SLC4A10: variants seen among roughly 807,000 people sequenced by gnomAD.
The protein encoded by SLC4A10 is sodium-driven chloride bicarbonate exchanger.
In SLC4A10, 42 loss-of-function variants were observed where a neutral mutation model predicts 137.7. The observed-to-expected ratio is 0.30, with a 90% CI of 0.24 to 0.39. The LOEUF is 0.39. Ranked by LOEUF, SLC4A10 falls within the 10% of genes least tolerant of loss-of-function variation. The pLI is 1.00. For missense variants in SLC4A10, 925 were observed against 1,355.0 expected (o/e 0.68, Z 4.98); for synonymous variants, 474 against 464.1 (o/e 1.02, Z -0.27).
At chr2:161,808,576 C>T (rs2056234105) in intron 3 of SLC4A10, among the ~76,000 whole-genome samples, 1 of 152,128 alleles carries the variant, frequency 6.6e-6, no homozygotes, top group Admixed American at 6.6e-5. Context: ...CCCTCCTTCC[C>T]TGCTCTGGTG....
At chr2:161,850,238 A>G (rs2059751856) in intron 4 of SLC4A10, among the ~76,000 whole-genome samples, 1 of 152,044 alleles carries the variant, frequency 6.6e-6, no homozygotes, top group Non-Finnish European at 1.5e-5. Context: ...AAAAATACAA[A>G]AAAATTAGCT....
chr2:161,914,124 C>A (rs750934950), intron 15 of SLC4A10, among the ~76,000 whole-genome samples: 5 of 152,040 alleles, frequency 3.3e-5, no homozygotes, highest in South Asian at 2.1e-4. Flanking sequence ...TATGTATAGA[C>A]CTAGCCAAAT....
At chr2:161,701,449 T>A (rs1187200785) in intron 1 of SLC4A10, among the ~76,000 whole-genome samples, 1 of 151,998 alleles carries the variant, frequency 6.6e-6, no homozygotes, top group Non-Finnish European at 1.5e-5. Context: ...TAATTGTAAT[T>A]GATATATAAT....
chr2:161,699,783 A>G (rs1380399421), intron 1 of SLC4A10, among the ~76,000 whole-genome samples: 1 of 152,178 alleles, frequency 6.6e-6, no homozygotes, highest in African/African-American at 2.4e-5. Flanking sequence ...GATAGATAAG[A>G]TTTAAAACTA....
rs1175163768 is a variant in SLC4A10 at position 161,984,889 on chromosome 2, TTTAATATA to T, written c.*1744_*1751del. On this transcript the variant is annotated 3_prime_UTR_variant, in exon 27 of 27. Coordinates refer to ENST00000446997, the MANE Select transcript of SLC4A10 (RefSeq NM_001178015.2). ...ATTCCCCAAAGCAGCCTCTTAGTGT[TTTAATATA>T]TTAATAACTGTTTTGTTAAAAATGA... 2 of 152,058 alleles carry T rather than the reference TTTAATATA, an allele frequency of 1.3e-5. No homozygotes were observed. Among genetic ancestry groups the T allele is most frequent in the Admixed American group, 6.5e-5 (1 of 15,270 alleles). The allele number at this position is 152,058 out of a possible 1,614,324, so 9.4% of individuals were successfully genotyped here. A position where few individuals can be genotyped will look rare whatever the true frequency, so the allele number is the denominator to read the frequency against.
In SLC4A10 at chr2:161,965,048, C is replaced by T; in HGVS notation, c.3037-3C>T. ...CTTTAAACTAGTTTATTATTTACTT[C>T]AGGTGTTAGCCCTGGTATTTGTAAG... On this transcript the variant is annotated splice_polypyrimidine_tract_variant and splice_region_variant and intron_variant, in intron 22 of 26. Transcript: ENST00000446997. The T allele has an allele frequency of 6.2e-7, 1 of 1,608,962 alleles. No individual in the cohort carries two copies. Among genetic ancestry groups the T allele is most frequent in the Non-Finnish European group, 8.5e-7 (1 of 1,177,160 alleles).
At chr2:161,809,522 C>T (rs2056335148) in intron 3 of SLC4A10, among the ~76,000 whole-genome samples, 1 of 151,990 alleles carries the variant, frequency 6.6e-6, no homozygotes, top group Admixed American at 6.6e-5. Flanking sequence ...TTACATTTAA[C>T]TCTTTAATCC....
intron 1 of SLC4A10, among the ~76,000 whole-genome samples, chr2:161,762,668 T>C (rs1309577074): frequency 2.6e-5 from 4 of 152,148 alleles, no homozygotes; most frequent in Non-Finnish European, 5.9e-5. Context: ...CTTGCATCCA[T>C]TATTTAATGA....
intron 1 of SLC4A10, among the ~76,000 whole-genome samples, chr2:161,735,377 A>G (rs1008897138): frequency 3.9e-5 from 6 of 151,982 alleles, no homozygotes; most frequent in Non-Finnish European, 8.8e-5. Flanking sequence ...AAGTACATAA[A>G]CTTAAATTTA....
intron 15 of SLC4A10, among the ~76,000 whole-genome samples, chr2:161,934,788 T>G (rs1691269877): frequency 1.3e-5 from 2 of 151,964 alleles, no homozygotes; most frequent in Admixed American, 6.6e-5. Context: ...TTTAACCTTG[T>G]TTTTTTTCTT....
intron 10 of SLC4A10, among the ~76,000 whole-genome samples, chr2:161,885,346 T>G (rs1384077039): frequency 1.3e-5 from 2 of 152,174 alleles, no homozygotes; most frequent in African/African-American, 2.4e-5. Flanking sequence ...ACAGTTAGCA[T>G]TTTAGCATTC....
At chr2:161,682,275 G>C (rs938044601) in intron 1 of SLC4A10, among the ~76,000 whole-genome samples, 2 of 152,098 alleles carry the variant, frequency 1.3e-5, no homozygotes, top group African/African-American at 4.8e-5. Context: ...ATCCAGAGTT[G>C]TAAAAACTTG....
intron 16 of SLC4A10, 77 bp from the exon 17 acceptor site, chr2:161,947,489 C>T: frequency 7.0e-7 from 1 of 1,433,652 alleles, no homozygotes; most frequent in Non-Finnish European, 9.5e-7. Flanking sequence ...TACAATTGAT[C>T]AGAAGGTGTT....
chr2:161,904,932 C>A (rs1306799514), intron 14 of SLC4A10, 23 bp downstream of exon 14: 1 of 1,611,168 alleles, frequency 6.2e-7, no homozygotes, highest in Non-Finnish European at 8.5e-7. Context: ...TACTTTTTGG[C>A]CCTTAGCCTC....
chr2:161,881,590 C>A (rs1233308880), intron 9 of SLC4A10, among the ~76,000 whole-genome samples: 1 of 151,976 alleles, frequency 6.6e-6, no homozygotes, highest in African/African-American at 2.4e-5. Context: ...CAAATTAACA[C>A]CACAGAATGA....
chr2:161,891,928 T>A (rs1241379244), intron 10 of SLC4A10, among the ~76,000 whole-genome samples: 1 of 151,998 alleles, frequency 6.6e-6, no homozygotes, highest in African/African-American at 2.4e-5. Flanking sequence ...TTTCTTTTTT[T>A]AATTGAACCA....
chr2:161,711,223 G>A (rs903331937), intron 1 of SLC4A10, among the ~76,000 whole-genome samples: 1 of 151,824 alleles, frequency 6.6e-6, no homozygotes, highest in Non-Finnish European at 1.5e-5. Context: ...GAGACTGAAG[G>A]TGCACCCAGT....
chr2:161,928,572 TAA>T, intron 15 of SLC4A10, among the ~76,000 whole-genome samples: 1 of 106,916 alleles, frequency 9.4e-6, no homozygotes, highest in African/African-American at 3.5e-5. Context: ...TCTTGAAAAT[TAA>T]AAAAAAAAAC....
chr2:161,711,729 G>A (rs1268719004), intron 1 of SLC4A10, among the ~76,000 whole-genome samples: 2 of 151,760 alleles, frequency 1.3e-5, no homozygotes, highest in East Asian at 3.9e-4. Context: ...TGCAGTAAGA[G>A]GCTTGTGCAA....
Sources: allele counts gnomAD v4.1 joint callset (sites outside exome capture counted in the v4.1 genomes callset), GRCh38; gene constraint gnomAD v4.1.1; transcripts MANE v1.5; gene names NCBI Gene and HGNC (gene_info 2026-07-23, HGNC 2026-07-21).